ASIC2: variants seen among roughly 807,000 people sequenced by gnomAD.
ASIC2 encodes acid sensing ion channel subunit 2.
In ASIC2, 25 loss-of-function variants were observed where a neutral mutation model predicts 57.3. That is an observed-to-expected ratio of 0.44 (90% CI 0.32 to 0.61). ASIC2 has a LOEUF of 0.61. Among genes scored for constraint, ASIC2 ranks in the 20% least tolerant of loss-of-function variants. The pLI is 0.06. For missense variants in ASIC2, 641 were observed against 738.1 expected (o/e 0.87, Z 1.52); for synonymous variants, 319 against 307.5 (o/e 1.04, Z -0.39).
intron 3 of ASIC2, among the ~76,000 whole-genome samples, chr17:33,084,029 G>T (rs1291052296): frequency 2.0e-5 from 3 of 152,114 alleles, no homozygotes; most frequent in African/African-American, 7.2e-5. Context: ...TGGGGAGAGG[G>T]TTTATCTCAC....
chr17:33,255,280 T>A (rs1439112411), intron 1 of ASIC2, among the ~76,000 whole-genome samples: 2 of 151,956 alleles, frequency 1.3e-5, no homozygotes, highest in Admixed American at 6.6e-5. Flanking sequence ...CCTCAAATGA[T>A]CCACTCACCT....
At chr17:33,395,947 T>C (rs947561133) in intron 1 of ASIC2, among the ~76,000 whole-genome samples, 2 of 152,192 alleles carry the variant, frequency 1.3e-5, no homozygotes, top group East Asian at 3.8e-4. Context: ...CACCTAATCA[T>C]ATAAGGCCTG....
chr17:33,307,192 C>A (rs8081544), intron 1 of ASIC2, among the ~76,000 whole-genome samples: 9,117 of 152,162 alleles, frequency 0.06, 497 homozygotes, highest in African/African-American at 0.12. Flanking sequence ...AACTTGAGGC[C>A]TGGATAGTGT....
chr17:34,093,547 T>C (rs1282577066), intron 1 of ASIC2, among the ~76,000 whole-genome samples: 1 of 152,228 alleles, frequency 6.6e-6, no homozygotes, highest in African/African-American at 2.4e-5. Flanking sequence ...GACTGACTTA[T>C]TTCATGCTGT....
chr17:33,489,884 C>G (rs1913697039), intron 1 of ASIC2, among the ~76,000 whole-genome samples: 1 of 152,184 alleles, frequency 6.6e-6, no homozygotes, highest in Non-Finnish European at 1.5e-5. Flanking sequence ...CCTGAGTACC[C>G]AGGCAATCGG....
intron 1 of ASIC2, among the ~76,000 whole-genome samples, chr17:34,109,164 C>T (rs367911205): frequency 5.9e-5 from 9 of 151,880 alleles, no homozygotes; most frequent in East Asian, 1.9e-4. Context: ...TAGTTAGTTG[C>T]GTCTTTTCTT....
chr17:33,735,633 C>A (rs1388520902), intron 1 of ASIC2, among the ~76,000 whole-genome samples: 1 of 152,098 alleles, frequency 6.6e-6, no homozygotes, highest in Non-Finnish European at 1.5e-5. Flanking sequence ...ATTGTATTTG[C>A]AAGGGTTCCT....
intron 1 of ASIC2, among the ~76,000 whole-genome samples, chr17:33,677,755 A>G (rs1174301072): frequency 6.6e-6 from 1 of 152,210 alleles, no homozygotes; most frequent in African/African-American, 2.4e-5. Flanking sequence ...GAACAGATGA[A>G]GTTCGAAGTA....
In ASIC2 at chr17:33,121,757, C is replaced by G. The variant is rs757393125; in HGVS notation, c.709-9690G>C. ...GAGTCAGATTATGCTGGCTGCATAC[C>G]TACTACATGCCAGGCACTGTGCACA... On this transcript the variant is annotated intron_variant, in intron 1 of 9. Transcript: ENST00000225823. Among the ~76,000 whole-genome samples the G allele has an allele frequency of 4.7e-4, 71 of 152,144 alleles. 1 individual carries two copies. Among genetic ancestry groups the G allele is most frequent in the Non-Finnish European group, 8.4e-4 (57 of 68,020 alleles).
intron 1 of ASIC2, among the ~76,000 whole-genome samples, chr17:33,415,799 C>A (rs1910823062): frequency 6.6e-6 from 1 of 152,116 alleles, no homozygotes; most frequent in African/African-American, 2.4e-5. Context: ...TTTCTTTGTC[C>A]CCATGATGCT....
chr17:33,645,823 C>G (rs1906721619), intron 1 of ASIC2, among the ~76,000 whole-genome samples: 1 of 152,096 alleles, frequency 6.6e-6, no homozygotes, highest in Admixed American at 6.5e-5. Context: ...TCAGTCCTTG[C>G]AGGGATAGTG....
intron 1 of ASIC2, among the ~76,000 whole-genome samples, chr17:33,643,186 T>G (rs1362772784): frequency 1.3e-5 from 2 of 151,072 alleles, no homozygotes; most frequent in Non-Finnish European, 3.0e-5. Flanking sequence ...AATTTGGATA[T>G]GTTTTACAAA....
At chr17:33,926,380 G>T (rs1915822460) in intron 1 of ASIC2, among the ~76,000 whole-genome samples, 1 of 152,052 alleles carries the variant, frequency 6.6e-6, no homozygotes, top group Non-Finnish European at 1.5e-5. Flanking sequence ...ATACATATTT[G>T]CATATAGATA....
intron 3 of ASIC2, among the ~76,000 whole-genome samples, chr17:33,056,420 G>A (rs562090348): frequency 6.6e-6 from 1 of 152,320 alleles, no homozygotes; most frequent in South Asian, 2.1e-4. Context: ...ACAGTTTGGG[G>A]TTGGGGGAAG....
chr17:34,107,693 T>C (rs144304374), intron 1 of ASIC2, among the ~76,000 whole-genome samples: 2 of 152,328 alleles, frequency 1.3e-5, no homozygotes, highest in Non-Finnish European at 2.9e-5. Context: ...TAGTCACAAG[T>C]TGTGTTCATA....
intron 1 of ASIC2, among the ~76,000 whole-genome samples, chr17:34,036,072 C>T (rs1907862698): frequency 6.6e-6 from 1 of 152,098 alleles, no homozygotes; most frequent in Non-Finnish European, 1.5e-5. Context: ...CACATGCACA[C>T]ATATGTTTAT....
intron 1 of ASIC2, among the ~76,000 whole-genome samples, chr17:33,746,967 A>C (rs1004532568): frequency 4.6e-5 from 7 of 152,182 alleles, no homozygotes; most frequent in African/African-American, 1.7e-4. Context: ...AATAAATCAC[A>C]AGGGGAATTA....
At chr17:33,684,490 C>T (rs960613373) in intron 1 of ASIC2, among the ~76,000 whole-genome samples, 3 of 150,608 alleles carry the variant, frequency 2.0e-5, no homozygotes, top group Non-Finnish European at 4.4e-5. Flanking sequence ...GGGTTGGGCG[C>T]GGGTGCTCTT....
chr17:33,339,036 A>C (rs1907630192), intron 1 of ASIC2, among the ~76,000 whole-genome samples: 1 of 152,194 alleles, frequency 6.6e-6, no homozygotes, highest in Admixed American at 6.5e-5. Flanking sequence ...ACTGAACTGT[A>C]CATTGATAAA....
Sources: allele counts gnomAD v4.1 joint callset (sites outside exome capture counted in the v4.1 genomes callset), GRCh38; gene constraint gnomAD v4.1.1; transcripts MANE v1.5; gene names NCBI Gene and HGNC (gene_info 2026-07-23, HGNC 2026-07-21).